Variants in PTPN11 observed in about 807,000 individuals in gnomAD.
PTPN11 encodes tyrosine-protein phosphatase non-receptor type 11.
A neutral mutation model predicts 78.8 loss-of-function variants in PTPN11; 6 were observed. The ratio of observed to expected loss-of-function variants is 0.08; its 90% CI spans 0.04 to 0.15. The LOEUF (loss-of-function observed/expected upper bound fraction) is 0.15. PTPN11 is among the 10% of genes least tolerant of loss of function. The probability of loss-of-function intolerance (pLI) is 1.00; values close to 1 mark genes in which losing one functional copy is unlikely to be tolerated. For synonymous variants in PTPN11, 221 were observed against 263.5 expected (o/e 0.84, Z 1.56); for missense variants, 386 against 744.8 (o/e 0.52, Z 5.61).
chr12:112,488,862 G>A (rs948797572), intron 12 of PTPN11, among the ~76,000 whole-genome samples, 162 bp from the exon 13 acceptor site: 7 of 152,154 alleles, frequency 4.6e-5, no homozygotes, highest in Admixed American at 4.6e-4. Context: ...TGGGATCATT[G>A]GTATTGGTCA....
At chr12:112,472,704 T>C (rs1186396036) in intron 6 of PTPN11, among the ~76,000 whole-genome samples, 7 of 152,194 alleles carry the variant, frequency 4.6e-5, no homozygotes, top group Non-Finnish European at 1.0e-4. Context: ...TTTTACCATG[T>C]TGGCCAGGCT....
intron 6 of PTPN11, among the ~76,000 whole-genome samples, chr12:112,467,894 T>G (rs1417008823): frequency 6.6e-6 from 1 of 152,134 alleles, no homozygotes; most frequent in African/African-American, 2.4e-5. Flanking sequence ...CCACCTTCCT[T>G]TAGGCCCCAC....
chr12:112,489,811 G>A (rs2038723810), intron 13 of PTPN11, among the ~76,000 whole-genome samples: 1 of 152,244 alleles, frequency 6.6e-6, no homozygotes, highest in South Asian at 2.1e-4. Flanking sequence ...CTGCAGATGG[G>A]GTGGTGTCTA....
chr12:112,419,036 C>T lies in PTPN11; in HGVS notation c.-76C>T. 2 of 1,526,332 alleles carry T rather than the reference C, an allele frequency of 1.3e-6. No homozygotes were observed. The highest frequency in any genetic ancestry group is 1.8e-6 in the Non-Finnish European group (2 of 1,138,408). 94.5% of individuals were successfully genotyped at this position (1,526,332 alleles called of 1,614,324 possible). On this transcript the variant is annotated 5_prime_UTR_variant, in exon 1 of 16. Transcript: ENST00000351677. ...CGGTCCCGAGCGGGCCTCCCTCGGG[C>T]CAGCCCGATGTGACCGAGCCCAGCG... is the stretch of plus-strand genomic sequence containing the variant.
Position 112,453,349 on chromosome 12 carries a change from G to A in PTPN11, c.487G>A (p.Gly163Ser), listed in dbSNP as rs730880992. Residue 163 changes from glycine (G) to serine (S), a missense_variant, in exon 4 of 16, where the codon GGC becomes AGC. Coordinates refer to ENST00000351677, the MANE Select transcript of PTPN11 (RefSeq NM_002834.5). ...TGDDKGESND[G>S]KSKVTHVMIR... ...TGATGACAAAGGGGAGAGCAATGACGGCAAGTCTAAAGTGACCCATGTTAT... is the reference window on the plus strand; with the variant it reads ...TGATGACAAAGGGGAGAGCAATGACAGCAAGTCTAAAGTGACCCATGTTAT... 54 of 1,613,922 alleles carry A rather than the reference G, an allele frequency of 3.3e-5. No homozygotes were observed. Among genetic ancestry groups the A allele is most frequent in the African/African-American group, 4.0e-5 (3 of 74,868 alleles).
chr12:112,446,318 A>G lies in PTPN11; in HGVS notation c.57A>G (p.Leu19=), dbSNP rs764238610. The change falls in exon 2 of 16, where the codon CTA becomes CTG. Residue 19 remains leucine, a synonymous_variant. Transcript: ENST00000351677. ...TCACTGGTGTGGAGGCAGAAAACCT[A>G]CTGTTGACAAGAGGAGTTGATGGCA... The part of the protein sequence containing the change: ...PNITGVEAEN[L]LLTRGVDGSF... 6.2e-7 allele frequency: 1 copy of G among 1,613,992 alleles called. No homozygotes were observed. Among genetic ancestry groups the G allele is most frequent in the Admixed American group, 1.7e-5 (1 of 59,992 alleles).
chr12:112,428,076 C>G (rs979638265), intron 1 of PTPN11, among the ~76,000 whole-genome samples: 3 of 152,202 alleles, frequency 2.0e-5, no homozygotes, highest in Admixed American at 6.6e-5. Context: ...ATCCTTTACT[C>G]CTATCAAAAT....
intron 12 of PTPN11, 125 bp from the exon 13 acceptor site, chr12:112,488,899 C>G: frequency 7.4e-7 from 1 of 1,344,332 alleles, no homozygotes; most frequent in East Asian, 2.3e-5. Flanking sequence ...GCCATTGCAA[C>G]ATGCTCAGTT....
chr12:112,432,865 CT>C (rs749170888), intron 1 of PTPN11, among the ~76,000 whole-genome samples: 176 of 143,746 alleles, frequency 1.2e-3, no homozygotes, highest in Admixed American at 2.6e-3. Context: ...CCATTTTTAA[CT>C]TTTTTTTTTT....
intron 7 of PTPN11, among the ~76,000 whole-genome samples, chr12:112,476,166 T>C (rs2038498789): frequency 6.6e-6 from 1 of 152,156 alleles, no homozygotes; most frequent in African/African-American, 2.4e-5. Context: ...TATTAAATGG[T>C]ATAAAATGTA....
intron 1 of PTPN11, among the ~76,000 whole-genome samples, chr12:112,424,050 C>A (rs1336752102): frequency 2.6e-5 from 4 of 152,128 alleles, no homozygotes; most frequent in African/African-American, 9.7e-5. Flanking sequence ...CTGTACCTGG[C>A]CTTTACAATG....
chr12:112,419,154 G>T (rs1161066066), intron 1 of PTPN11, 29 bp downstream of exon 1: 6 of 1,491,592 alleles, frequency 4.0e-6, no homozygotes, highest in Admixed American at 2.2e-5. Flanking sequence ...CCCGGCGCGG[G>T]CCTCGGCCCG....
chr12:112,436,293 G>A (rs1214867887), intron 1 of PTPN11, among the ~76,000 whole-genome samples: 1 of 152,130 alleles, frequency 6.6e-6, no homozygotes, highest in African/African-American at 2.4e-5. Context: ...GTAACAACAA[G>A]CAAACAAGCT....
At chr12:112,454,752 CA>C in intron 5 of PTPN11, 72 bp downstream of exon 5, 1 of 1,061,638 alleles carries the variant, frequency 9.4e-7, no homozygotes, top group Non-Finnish European at 1.5e-6. Flanking sequence ...ATTTTGCAAA[CA>C]TACAGAGGTA....
At chr12:112,423,565 C>T (rs2037557527) in intron 1 of PTPN11, among the ~76,000 whole-genome samples, 1 of 151,978 alleles carries the variant, frequency 6.6e-6, no homozygotes, top group East Asian at 1.9e-4. Context: ...GGATTATAGG[C>T]ATGAGCTACC....
At chr12:112,465,699 A>G (rs2038316415) in intron 6 of PTPN11, among the ~76,000 whole-genome samples, 1 of 152,096 alleles carries the variant, frequency 6.6e-6, no homozygotes, top group African/African-American at 2.4e-5. Context: ...CTTGACTTAC[A>G]AACCCTACTT....
chr12:112,472,780 TG>T (rs2038439054), intron 6 of PTPN11, among the ~76,000 whole-genome samples, 163 bp from the exon 7 acceptor site: 1 of 152,144 alleles, frequency 6.6e-6, no homozygotes, highest in Non-Finnish European at 1.5e-5. Flanking sequence ...GGATTACAGG[TG>T]TAAGCCATCA....
chr12:112,444,494 A>C (rs895115425), intron 1 of PTPN11, among the ~76,000 whole-genome samples: 4 of 152,046 alleles, frequency 2.6e-5, no homozygotes, highest in African/African-American at 9.7e-5. Context: ...GGCACGCGCC[A>C]CCACGCCCAA....
At chr12:112,452,612 C>T (rs1045566859) in intron 3 of PTPN11, among the ~76,000 whole-genome samples, 1 of 152,090 alleles carries the variant, frequency 6.6e-6, no homozygotes, top group East Asian at 1.9e-4. Context: ...ACTGCAGCCT[C>T]GACCTCCTGG....
Sources: allele counts gnomAD v4.1 joint callset (sites outside exome capture counted in the v4.1 genomes callset), GRCh38; gene constraint gnomAD v4.1.1; transcripts MANE v1.5; gene names NCBI Gene and HGNC (gene_info 2026-07-23, HGNC 2026-07-21).